The following PHTF1 variants were observed in gnomAD, a reference collection of about 807,000 sequenced individuals.
PHTF1 encodes the protein putative homeodomain transcription factor 1, also known as protein PHTF1.
Under a neutral mutation model 102.4 loss-of-function variants are expected in PHTF1, and 88 were observed. The observed-to-expected ratio is 0.86, with a 90% CI of 0.72 to 1.03. The LOEUF is 1.03. Among genes scored for constraint, PHTF1 ranks in the 50% least tolerant of loss-of-function variants. The probability of loss-of-function intolerance (pLI) is 0.00; values close to 1 mark genes in which losing one functional copy is unlikely to be tolerated. For synonymous variants in PHTF1, 289 were observed against 305.2 expected, an observed-to-expected ratio of 0.95 and a Z score of 0.55; for missense variants, 814 against 909.5, an observed-to-expected ratio of 0.89 and a Z score of 1.35.
intron 10 of PHTF1, among the ~76,000 whole-genome samples, 163 bp downstream of exon 10, chr1:113,711,583 T>C (rs559381817): frequency 1.3e-5 from 2 of 152,288 alleles, no homozygotes; most frequent in South Asian, 4.1e-4. Context: ...TTTCTAGGTG[T>C]GTAGTCATTA....
intron 9 of PHTF1, 40 bp from the exon 10 acceptor site, chr1:113,711,875 T>A: frequency 6.2e-7 from 1 of 1,603,100 alleles, no homozygotes; most frequent in Non-Finnish European, 8.5e-7. Flanking sequence ...GAAAATATGT[T>A]AAATGCTTTG....
At position 113,706,620 on chromosome 1, in the gene PHTF1, C is replaced by A. The variant is rs772300301; in HGVS notation, c.1372G>T (p.Glu458Ter). 1 of 1,610,646 alleles carries A rather than the reference C, an allele frequency of 6.2e-7. No homozygotes were observed. Among genetic ancestry groups the A allele is most frequent in the South Asian group, 1.1e-5 (1 of 90,402 alleles). ...CTGCTCATGATGATGCCACTTATTT[C>A]CAACACAGACATATCCATCTTTTTG... ...ECKKMDMSVL[E>*]ISGIIMSRVN... The change falls in exon 12 of 19, where the codon GAA becomes TAA. Residue 458 changes from glutamate to a stop codon, truncating the protein, a stop_gained. Coordinates refer to ENST00000369604, the MANE Select transcript of PHTF1 (RefSeq NM_001323043.2). LOFTEE classifies it high-confidence loss of function.
intron 5 of PHTF1, among the ~76,000 whole-genome samples, chr1:113,736,007 A>G (rs114316911): frequency 0.011 from 1,691 of 152,294 alleles, 32 homozygotes; most frequent in African/African-American, 0.039. Flanking sequence ...ATTAAAATTG[A>G]TTCTTATGAT....
intron 7 of PHTF1, among the ~76,000 whole-genome samples, chr1:113,722,584 A>C (rs565680415): frequency 6.6e-6 from 1 of 152,064 alleles, no homozygotes; most frequent in African/African-American, 2.4e-5. Context: ...TAACAATGAC[A>C]TTCTTCACAA....
At position 113,745,354 on chromosome 1, in the gene PHTF1, G is replaced by A. The variant is rs560352746; in HGVS notation, c.103-6555C>T. Among the ~76,000 whole-genome samples, 5 of 152,300 alleles carry A rather than the reference G, an allele frequency of 3.3e-5. No individual in the cohort carries two copies. In the East Asian group the frequency reaches 9.6e-4, roughly 29 times the overall value. On this transcript the variant is annotated intron_variant, in intron 3 of 18. Transcript: ENST00000369604. ...CAACCTGGCTCTGCTATAAAGAACA[G>A]ATGGAGGGTAAAGAGAGATAGGAAG...
At chr1:113,729,302 T>C (rs1207038916) in intron 5 of PHTF1, among the ~76,000 whole-genome samples, 1 of 152,180 alleles carries the variant, frequency 6.6e-6, no homozygotes, top group Non-Finnish European at 1.5e-5. Context: ...GATGTGGGGA[T>C]GGTTCATGGG....
intron 5 of PHTF1, among the ~76,000 whole-genome samples, chr1:113,730,992 G>C (rs1186287637): frequency 6.6e-6 from 1 of 152,170 alleles, no homozygotes; most frequent in Non-Finnish European, 1.5e-5. Flanking sequence ...GTAGAATGGT[G>C]GTTGCCAGGG....
At chr1:113,752,434 C>G (rs1273776000) in intron 3 of PHTF1, among the ~76,000 whole-genome samples, 2 of 103,044 alleles carry the variant, frequency 1.9e-5, no homozygotes, top group Non-Finnish European at 3.5e-5. Flanking sequence ...GAGTCTCGTT[C>G]TGTCGTCCAG....
intron 3 of PHTF1, among the ~76,000 whole-genome samples, chr1:113,754,800 A>G (rs1272273128): frequency 6.6e-6 from 1 of 152,210 alleles, no homozygotes. Context: ...TCAATTTTCT[A>G]CAGAATAGTA....
In PHTF1 at chr1:113,736,219, G is replaced by A. The variant is rs538853706; in HGVS notation, c.331+1891C>T. On this transcript the variant is annotated intron_variant, in intron 5 of 18. Coordinates refer to ENST00000369604, the MANE Select transcript of PHTF1 (RefSeq NM_001323043.2). Reference sequence around the variant, plus strand: ...TAGCTGGGCGTGGTGGCGGGTGCCTGTAGTCCCAGCTACTCGGGAGGCTGA... The same window carrying A: ...TAGCTGGGCGTGGTGGCGGGTGCCTATAGTCCCAGCTACTCGGGAGGCTGA... Among the ~76,000 whole-genome samples the A allele has an allele frequency of 7.9e-4, 120 of 151,812 alleles. 1 individual carries two copies. In the Middle Eastern group the frequency reaches 0.024, roughly 30 times the overall value.
chr1:113,703,180 C>T (rs995570495), intron 15 of PHTF1, among the ~76,000 whole-genome samples: 2 of 152,168 alleles, frequency 1.3e-5, no homozygotes, highest in African/African-American at 4.8e-5. Flanking sequence ...ACATAAAGGA[C>T]ACTGCTCTCA....
chr1:113,717,497 A>G (rs2101282375), intron 7 of PHTF1, among the ~76,000 whole-genome samples: 1 of 152,328 alleles, frequency 6.6e-6, no homozygotes, highest in Non-Finnish European at 1.5e-5. Flanking sequence ...AAAGATACAC[A>G]CAGGCTGAAA....
intron 7 of PHTF1, chr1:113,715,031 C>T (rs906603446): frequency 6.6e-6 from 1 of 152,280 alleles, no homozygotes; most frequent in Non-Finnish European, 1.5e-5. Flanking sequence ...ACCACCAAGG[C>T]AGTAACCTCT....
intron 3 of PHTF1, among the ~76,000 whole-genome samples, chr1:113,742,352 G>A (rs980878747): frequency 2.0e-5 from 3 of 152,140 alleles, no homozygotes; most frequent in East Asian, 1.9e-4. Flanking sequence ...GGCTGGGCGC[G>A]GTGGCTCACA....
chr1:113,724,238 A>G (rs1445013805), intron 7 of PHTF1, among the ~76,000 whole-genome samples: 1 of 152,134 alleles, frequency 6.6e-6, no homozygotes, highest in African/African-American at 2.4e-5. Flanking sequence ...AAATAGAACT[A>G]CCATATGATC....
chr1:113,738,422 A>G (rs1216494056), intron 4 of PHTF1, among the ~76,000 whole-genome samples, 154 bp from the exon 5 acceptor site: 1 of 152,244 alleles, frequency 6.6e-6, no homozygotes, highest in East Asian at 1.9e-4. Flanking sequence ...GTTAAATGTA[A>G]TAACTTCTTG....
At chr1:113,742,370 T>A (rs1323984453) in intron 3 of PHTF1, among the ~76,000 whole-genome samples, 1 of 152,162 alleles carries the variant, frequency 6.6e-6, no homozygotes, top group African/African-American at 2.4e-5. Flanking sequence ...ACACTTGTAA[T>A]CCCAGCACTT....
chr1:113,758,879 CAAAA>C, intron 1 of PHTF1, 140 bp downstream of exon 1: 1 of 1,213,666 alleles, frequency 8.2e-7, no homozygotes, highest in African/African-American at 1.6e-5. Flanking sequence ...AACAAACAAA[CAAAA>C]AAAAACTGGC....
intron 5 of PHTF1, among the ~76,000 whole-genome samples, chr1:113,728,075 C>A (rs1337574169): frequency 2.0e-5 from 3 of 152,032 alleles, no homozygotes; most frequent in Non-Finnish European, 4.4e-5. Context: ...GGTGACAGAG[C>A]AAGACTCCGT....
Sources: allele counts gnomAD v4.1 joint callset (sites outside exome capture counted in the v4.1 genomes callset), GRCh38; gene constraint gnomAD v4.1.1; transcripts MANE v1.5; gene names NCBI Gene and HGNC (gene_info 2026-07-23, HGNC 2026-07-21).